Variants in NBDY observed in about 807,000 individuals in gnomAD.
NBDY encodes the protein negative regulator of P-body association, also known as P-body dissociating protein.
chrX:56,766,794 G>C (rs1161185148), intron 2 of NBDY, among the ~76,000 whole-genome samples: 1 of 112,095 alleles, frequency 8.9e-6, no homozygotes, highest in Non-Finnish European at 1.9e-5. Flanking sequence ...CCCAAGCCTT[G>C]TCCCTGTGTG....
rs776018716 is a variant in NBDY at position 56,764,062 on chromosome X, C to A, written c.*166+31863C>A. 5.3e-5 allele frequency among the ~76,000 whole-genome samples: 6 copies of A among 112,433 alleles called. No homozygotes were observed. The East Asian group carries it at 1.7e-3, about 32-fold the overall frequency. ...AGCAGGACAAGAGAGGAACTCCAAG[C>A]TGGCCCTTGGCCTGTGCTCATTCCC... On this transcript the variant is annotated intron_variant, in intron 2 of 2. Coordinates refer to ENST00000374922, the MANE Select transcript of NBDY (RefSeq NM_001348129.2).
At chrX:56,800,360 C>G (rs2069815706) in intron 2 of NBDY, among the ~76,000 whole-genome samples, 1 of 111,890 alleles carries the variant, frequency 8.9e-6, no homozygotes, top group Non-Finnish European at 1.9e-5. Flanking sequence ...GGGAAGGGTT[C>G]TTCAGCTTCC....
intron 2 of NBDY, among the ~76,000 whole-genome samples, chrX:56,762,971 A>G (rs1410218198): frequency 4.5e-5 from 5 of 112,112 alleles, no homozygotes; most frequent in Non-Finnish European, 9.4e-5. Context: ...ACACAGACAC[A>G]TACACACCAC....
At position 56,757,058 on chromosome X, in the gene NBDY, C is replaced by T. The variant is rs377701164; in HGVS notation, c.*166+24859C>T. 2.2e-4 allele frequency among the ~76,000 whole-genome samples: 25 copies of T among 112,037 alleles called. 1 individual carries two copies. The highest frequency in any genetic ancestry group is 2.0e-3 in the East Asian group (7 of 3,585). ...AGTACTGATTAAACTGTAATAACAA[C>T]GATAAATAATATTGACTGGCTTTTG... is the stretch of plus-strand genomic sequence containing the variant. On this transcript the variant is annotated intron_variant, in intron 2 of 2. Coordinates refer to ENST00000374922, the MANE Select transcript of NBDY (RefSeq NM_001348129.2).
intron 2 of NBDY, among the ~76,000 whole-genome samples, chrX:56,809,413 A>G (rs775926543): frequency 9.0e-6 from 1 of 111,705 alleles, no homozygotes; most frequent in African/African-American, 3.3e-5. Context: ...GGTCTCTAAG[A>G]ACTTGCTTTA....
At chrX:56,814,775 G>A (rs2069903609) in intron 2 of NBDY, among the ~76,000 whole-genome samples, 1 of 110,870 alleles carries the variant, frequency 9.0e-6, no homozygotes, top group Admixed American at 9.6e-5. Context: ...TTACAGACCT[G>A]AGCCACCATA....
chrX:56,733,225 C>T (rs1459898554), intron 2 of NBDY, among the ~76,000 whole-genome samples: 5 of 109,354 alleles, frequency 4.6e-5, no homozygotes. Context: ...AATTTCTAAT[C>T]ATATGGGATT....
chrX:56,731,428 G>T (rs914902669), intron 1 of NBDY, among the ~76,000 whole-genome samples: 1 of 102,612 alleles, frequency 9.7e-6, no homozygotes, highest in Non-Finnish European at 2.0e-5. Flanking sequence ...AAAAATAGCC[G>T]GTCATGGTGT....
At chrX:56,794,069 G>T (rs2069778665) in intron 2 of NBDY, among the ~76,000 whole-genome samples, 1 of 112,392 alleles carries the variant, frequency 8.9e-6, no homozygotes, top group Non-Finnish European at 1.9e-5. Flanking sequence ...GCTCCACCCT[G>T]TGGGTTGACT....
intron 2 of NBDY, among the ~76,000 whole-genome samples, chrX:56,763,068 A>C (rs1738240222): frequency 8.9e-6 from 1 of 112,770 alleles, no homozygotes; most frequent in Admixed American, 9.3e-5. Context: ...TCCTGACTCC[A>C]GGCCTGGGCC....
chrX:56,781,558 C>T (rs1199067437), intron 2 of NBDY, among the ~76,000 whole-genome samples: 1 of 112,294 alleles, frequency 8.9e-6, no homozygotes, highest in Non-Finnish European at 1.9e-5. Flanking sequence ...CTCTGCTTTC[C>T]AGTTTACTCT....
At chrX:56,793,466 G>T (rs1438546786) in intron 2 of NBDY, among the ~76,000 whole-genome samples, 1 of 111,022 alleles carries the variant, frequency 9.0e-6, no homozygotes, top group South Asian at 3.8e-4. Flanking sequence ...CAGGTGGCTG[G>T]TTCCTTTGTC....
intron 2 of NBDY, among the ~76,000 whole-genome samples, chrX:56,734,267 G>A (rs774169203): frequency 1.8e-5 from 2 of 111,753 alleles, no homozygotes; most frequent in Non-Finnish European, 3.8e-5. Context: ...GCAATTGGGG[G>A]TCTGAAGGCC....
intron 2 of NBDY, among the ~76,000 whole-genome samples, chrX:56,795,884 T>C (rs2069789370): frequency 8.9e-6 from 1 of 112,501 alleles, no homozygotes; most frequent in Non-Finnish European, 1.9e-5. Context: ...GCATTGTGAC[T>C]CTGAGTTTCA....
intron 2 of NBDY, among the ~76,000 whole-genome samples, chrX:56,784,869 C>T (rs1398045492): frequency 1.8e-5 from 2 of 112,427 alleles, no homozygotes; most frequent in Non-Finnish European, 3.8e-5. Context: ...GGATGCGAAG[C>T]CATGACCGCG....
intron 2 of NBDY, among the ~76,000 whole-genome samples, chrX:56,791,628 G>A (rs150157380): frequency 3.6e-5 from 4 of 111,709 alleles, no homozygotes; most frequent in East Asian, 2.8e-4. Context: ...TCCTTTAAGC[G>A]GAACATGACC....
intron 2 of NBDY, among the ~76,000 whole-genome samples, chrX:56,809,674 A>G (rs2069874992): frequency 1.8e-5 from 2 of 111,929 alleles, no homozygotes; most frequent in Admixed American, 9.5e-5. Flanking sequence ...GGTCTCCTGA[A>G]TACAGCACAC....
intron 2 of NBDY, among the ~76,000 whole-genome samples, chrX:56,754,907 T>C (rs2069601914): frequency 1.8e-5 from 2 of 111,954 alleles, no homozygotes; most frequent in Admixed American, 1.9e-4. Context: ...AGTTGATTTT[T>C]TTGAAAATAT....
chrX:56,740,777 A>G (rs2069528413), intron 2 of NBDY, among the ~76,000 whole-genome samples: 2 of 111,210 alleles, frequency 1.8e-5, no homozygotes, highest in South Asian at 3.8e-4. Flanking sequence ...TTTATGGGGT[A>G]TATGAGATGT....
Sources: gnomAD v4.1 joint callset for allele counts (sites outside exome capture counted in the v4.1 genomes callset) on GRCh38, gnomAD v4.1.1 for gene constraint, MANE v1.5 for transcripts, NCBI Gene and HGNC (gene_info 2026-07-23, HGNC 2026-07-21) for gene names.